EDIL3: variants seen among roughly 807,000 people sequenced by gnomAD.
EDIL3 encodes the protein EGF-like repeat and discoidin I-like domain-containing protein 3.
A neutral mutation model predicts 67.4 loss-of-function variants in EDIL3; 37 were observed. The ratio of observed to expected loss-of-function variants is 0.55; its 90% CI spans 0.42 to 0.72. The LOEUF is 0.72. Ranked by LOEUF, EDIL3 falls within the 30% of genes least tolerant of loss-of-function variation. The pLI, the probability that EDIL3 is intolerant of heterozygous loss-of-function variation, is 0.00. For missense variants in EDIL3, 527 were observed against 586.3 expected (o/e 0.90, Z 1.04); for synonymous variants, 195 against 196.3 (o/e 0.99, Z 0.05).
At chr5:84,057,311 A>G (rs1392092280) in intron 9 of EDIL3, among the ~76,000 whole-genome samples, 1 of 152,108 alleles carries the variant, frequency 6.6e-6, no homozygotes, top group Non-Finnish European at 1.5e-5. Flanking sequence ...TATTTGTTTA[A>G]TTTTTATCTT....
chr5:84,281,932 TCTCG>T (rs1343399937), intron 1 of EDIL3, among the ~76,000 whole-genome samples: 2 of 145,116 alleles, frequency 1.4e-5, no homozygotes, highest in Non-Finnish European at 3.0e-5. Flanking sequence ...AGTGGTGCGA[TCTCG>T]GCTCGCTGCA....
At chr5:84,335,350 C>T (rs1746963958) in intron 1 of EDIL3, among the ~76,000 whole-genome samples, 1 of 152,178 alleles carries the variant, frequency 6.6e-6, no homozygotes, top group Non-Finnish European at 1.5e-5. Flanking sequence ...CCTCTTCCTG[C>T]TCTCTTATCA....
intron 9 of EDIL3, among the ~76,000 whole-genome samples, chr5:84,050,888 C>G (rs557125459): frequency 9.8e-5 from 15 of 152,338 alleles, no homozygotes; most frequent in African/African-American, 3.6e-4. Flanking sequence ...CCTCTGGGGG[C>G]AGGGCATAGC....
chr5:84,347,923 AC>A (rs1747267025), intron 1 of EDIL3, among the ~76,000 whole-genome samples: 2 of 152,070 alleles, frequency 1.3e-5, no homozygotes, highest in South Asian at 4.1e-4. Flanking sequence ...TGAGATAAAC[AC>A]CCTCCTTATC....
chr5:84,247,528 C>A (rs1744931878), intron 2 of EDIL3, among the ~76,000 whole-genome samples: 1 of 152,020 alleles, frequency 6.6e-6, no homozygotes, highest in African/African-American at 2.4e-5. Flanking sequence ...ATGTGTATGA[C>A]AGTCTGTATT....
intron 5 of EDIL3, among the ~76,000 whole-genome samples, chr5:84,126,556 T>C (rs552298172): frequency 3.9e-5 from 6 of 152,202 alleles, no homozygotes; most frequent in African/African-American, 1.4e-4. Flanking sequence ...AAAATGTCAA[T>C]GTTATTTTAC....
At chr5:84,068,416 T>C (rs1053679734) in intron 6 of EDIL3, among the ~76,000 whole-genome samples, 6 of 152,180 alleles carry the variant, frequency 3.9e-5, no homozygotes, top group Admixed American at 2.6e-4. Flanking sequence ...TTTATACCTG[T>C]TGTAGACAGC....
At chr5:84,307,227 C>T (rs953988075) in intron 1 of EDIL3, among the ~76,000 whole-genome samples, 3 of 152,170 alleles carry the variant, frequency 2.0e-5, no homozygotes, top group South Asian at 2.1e-4. Context: ...GAATCCAATC[C>T]GCATCTTAAG....
chr5:84,211,153 A>G (rs933741094), intron 3 of EDIL3, among the ~76,000 whole-genome samples: 10 of 152,326 alleles, frequency 6.6e-5, no homozygotes, highest in Middle Eastern at 6.8e-3. Flanking sequence ...GTTAAAATTG[A>G]TTCCCAGTGT....
At chr5:84,259,940 A>C (rs1225747367) in intron 1 of EDIL3, among the ~76,000 whole-genome samples, 1 of 152,178 alleles carries the variant, frequency 6.6e-6, no homozygotes, top group Non-Finnish European at 1.5e-5. Flanking sequence ...TTAGTATATA[A>C]TTATACAACT....
rs193033898 is a variant in EDIL3 at position 84,353,568 on chromosome 5, C to T, written c.67+30740G>A. On this transcript the variant is annotated intron_variant, in intron 1 of 10. Coordinates refer to ENST00000296591, the MANE Select transcript of EDIL3 (RefSeq NM_005711.5). ...GAAAAACTGAAATCATTTATTTCAA[C>T]GAATACTTAGGAAAATTAAAATTTC... 3.6e-3 allele frequency among the ~76,000 whole-genome samples: 542 copies of T among 152,122 alleles called. 2 individuals are homozygous for T. Among genetic ancestry groups the T allele is most frequent in the Non-Finnish European group, 4.8e-3 (323 of 67,990 alleles).
intron 9 of EDIL3, among the ~76,000 whole-genome samples, chr5:84,054,582 CCTT>C (rs1000679707): frequency 1.4e-3 from 207 of 152,160 alleles, no homozygotes; most frequent in African/African-American, 4.8e-3. Flanking sequence ...CCCAAAATCT[CCTT>C]AAGCTGATAA....
At chr5:84,169,182 C>A (rs1748765786) in intron 4 of EDIL3, among the ~76,000 whole-genome samples, 2 of 151,952 alleles carry the variant, frequency 1.3e-5, no homozygotes, top group South Asian at 2.1e-4. Context: ...CATAACAAAA[C>A]TTGTTATTAT....
At position 84,319,202 on chromosome 5, in the gene EDIL3, G is replaced by A. The variant is rs1250642194; in HGVS notation, c.68-64990C>T. ...AAATAGGAATGCTTGGCCGGGCGCG[G>A]TGGCTCACGCCTGTAATCCCAGCAC... is the stretch of plus-strand genomic sequence containing the variant. On this transcript the variant is annotated intron_variant, in intron 1 of 10. Transcript: ENST00000296591. Among the ~76,000 whole-genome samples the A allele has an allele frequency of 6.5e-5, 8 of 122,766 alleles. 1 individual carries two copies. The highest frequency in any genetic ancestry group is 1.5e-4 in the Non-Finnish European group (8 of 53,548). 80.5% of individuals were successfully genotyped at this position (122,766 alleles called of 152,430 possible). A position where few individuals can be genotyped will look rare whatever the true frequency, so the allele number is the denominator to read the frequency against.
At chr5:84,365,453 A>ATC (rs1747709562) in intron 1 of EDIL3, among the ~76,000 whole-genome samples, 1 of 152,164 alleles carries the variant, frequency 6.6e-6, no homozygotes, top group African/African-American at 2.4e-5. Context: ...ACAACCTTAG[A>ATC]TATTTTAGTA....
At chr5:84,029,985 C>A (rs1745889255) in intron 9 of EDIL3, among the ~76,000 whole-genome samples, 1 of 152,108 alleles carries the variant, frequency 6.6e-6, no homozygotes, top group Non-Finnish European at 1.5e-5. Context: ...TTAGAATAAT[C>A]CAGCAATGAA....
At chr5:84,086,928 A>G (rs1332803765) in intron 6 of EDIL3, among the ~76,000 whole-genome samples, 1 of 152,108 alleles carries the variant, frequency 6.6e-6, no homozygotes, top group African/African-American at 2.4e-5. Context: ...GGATGGAGGC[A>G]GGGATGAAGA....
At chr5:84,196,674 T>C (rs1743713328) in intron 3 of EDIL3, among the ~76,000 whole-genome samples, 1 of 152,110 alleles carries the variant, frequency 6.6e-6, no homozygotes, top group Middle Eastern at 3.4e-3. Context: ...ATTAAATATA[T>C]CTCTGCTAGG....
intron 9 of EDIL3, among the ~76,000 whole-genome samples, chr5:84,055,723 T>C (rs1364263869): frequency 1.3e-5 from 2 of 152,200 alleles, no homozygotes; most frequent in Non-Finnish European, 2.9e-5. Context: ...TCACCATCAC[T>C]GGCCATCAGA....
Sources: allele counts gnomAD v4.1 joint callset (sites outside exome capture counted in the v4.1 genomes callset), GRCh38; gene constraint gnomAD v4.1.1; transcripts MANE v1.5; gene names NCBI Gene and HGNC (gene_info 2026-07-23, HGNC 2026-07-21).